Variants in RPIA observed in about 807,000 individuals in gnomAD.
The protein encoded by RPIA is ribose 5-phosphate isomerase A, also known as ribose-5-phosphate isomerase.
In RPIA, 29 loss-of-function variants were observed where a neutral mutation model predicts 37.8. That is an observed-to-expected ratio of 0.77 (90% CI 0.57 to 1.05). The LOEUF (loss-of-function observed/expected upper bound fraction) is 1.05. Among genes scored for constraint, RPIA ranks in the 50% least tolerant of loss-of-function variants. The pLI is 0.00. For missense variants in RPIA, 385 were observed against 413.6 expected (o/e 0.93, Z 0.60); for synonymous variants, 167 against 157.0 (o/e 1.06, Z -0.48).
chr2:88,739,880 A>G (rs1673362298), intron 8 of RPIA, among the ~76,000 whole-genome samples: 2 of 152,216 alleles, frequency 1.3e-5, no homozygotes, highest in Admixed American at 6.5e-5. Context: ...AAGTGCCAGG[A>G]TCACAGGTGT....
At chr2:88,703,508 A>G (rs7593019) in intron 3 of RPIA, among the ~76,000 whole-genome samples, 9,395 of 152,218 alleles carry the variant, frequency 0.062, 517 homozygotes, top group African/African-American at 0.14. Context: ...GGCTTGCACC[A>G]TCTGAAGCTA....
In RPIA at chr2:88,725,211, A is replaced by G. The variant is rs141871551; in HGVS notation, c.403-4067A>G. Among the ~76,000 whole-genome samples the G allele has an allele frequency of 1.5e-3, 231 of 152,304 alleles. 2 individuals carry two copies. The highest frequency in any genetic ancestry group is 5.4e-3 in the African/African-American group (225 of 41,572). On this transcript the variant is annotated intron_variant, in intron 3 of 8. Coordinates refer to ENST00000283646, the MANE Select transcript of RPIA (RefSeq NM_144563.3). ...AGCTTCTGGTGTCTAGCAGATGCAG[A>G]TCTCAGTGGAGCACCAGAGGCTGCA...
intron 8 of RPIA, among the ~76,000 whole-genome samples, chr2:88,743,776 TC>T (rs1413130172): frequency 1.3e-5 from 2 of 152,182 alleles, no homozygotes; most frequent in African/African-American, 4.8e-5. Flanking sequence ...CTTGTATATT[TC>T]CAGATTTTCT....
intron 3 of RPIA, among the ~76,000 whole-genome samples, chr2:88,721,757 C>T (rs974498226): frequency 6.7e-6 from 1 of 149,282 alleles, no homozygotes; most frequent in African/African-American, 2.4e-5. Flanking sequence ...TGTATTGAAA[C>T]ATATATTAAT....
intron 2 of RPIA, 92 bp from the exon 3 acceptor site, chr2:88,699,917 T>C: frequency 7.4e-7 from 1 of 1,358,270 alleles, no homozygotes; most frequent in African/African-American, 1.4e-5. Flanking sequence ...AAATAGACCT[T>C]CCCTTGTCTG....
intron 2 of RPIA, 35 bp from the exon 3 acceptor site, chr2:88,699,974 G>A: frequency 6.2e-7 from 1 of 1,610,914 alleles, no homozygotes; most frequent in South Asian, 1.1e-5. Context: ...AGTAAGGAGA[G>A]TGAAAAACTG....
intron 2 of RPIA, 21 bp downstream of exon 2, chr2:88,698,565 C>T: frequency 6.2e-7 from 1 of 1,608,482 alleles, no homozygotes; most frequent in Non-Finnish European, 8.5e-7. Context: ...TCACTGTCTA[C>T]TGGATGTTTT....
At chr2:88,728,949 A>G (rs945962275) in intron 3 of RPIA, among the ~76,000 whole-genome samples, 5 of 152,148 alleles carry the variant, frequency 3.3e-5, no homozygotes, top group Non-Finnish European at 7.4e-5. Context: ...ATTTGGTTCT[A>G]TGTTAGGAAT....
chr2:88,736,706 C>T (rs762230232), intron 7 of RPIA, 30 bp downstream of exon 7: 16 of 1,597,896 alleles, frequency 1.0e-5, no homozygotes, highest in Non-Finnish European at 8.6e-7. Context: ...CGGGGGTGTG[C>T]TGGGTGCACT....
At chr2:88,693,945 C>T (rs1310996903) in intron 1 of RPIA, among the ~76,000 whole-genome samples, 1 of 152,246 alleles carries the variant, frequency 6.6e-6, no homozygotes, top group East Asian at 1.9e-4. Context: ...TGTCTGTAGC[C>T]TCATCCCTTT....
At chr2:88,737,020 CTGCT>C (rs1673323394) in intron 7 of RPIA, among the ~76,000 whole-genome samples, 2 of 152,128 alleles carry the variant, frequency 1.3e-5, no homozygotes, top group Admixed American at 1.3e-4. Flanking sequence ...GCTTTGGGAA[CTGCT>C]TGGAACAGAA....
At chr2:88,708,754 AT>A (rs59981047) in intron 3 of RPIA, among the ~76,000 whole-genome samples, 41,314 of 128,000 alleles carry the variant, frequency 0.32, 5,080 homozygotes, top group African/African-American at 0.38. Context: ...TGCCAAATGG[AT>A]TTTTTTTTTT....
intron 4 of RPIA, among the ~76,000 whole-genome samples, chr2:88,733,123 G>T (rs189996999): frequency 6.6e-6 from 1 of 152,268 alleles, no homozygotes; most frequent in Admixed American, 6.5e-5. Flanking sequence ...TTTGAATTGG[G>T]CTATAAAGGC....
chr2:88,728,469 T>C (rs1412745270), intron 3 of RPIA, among the ~76,000 whole-genome samples: 3 of 152,244 alleles, frequency 2.0e-5, no homozygotes, highest in African/African-American at 4.8e-5. Context: ...GCAGAAAACG[T>C]TGTGAAGGCT....
At chr2:88,733,617 G>A (rs1004053462) in intron 4 of RPIA, among the ~76,000 whole-genome samples, 1 of 152,166 alleles carries the variant, frequency 6.6e-6, no homozygotes, top group Non-Finnish European at 1.5e-5. Context: ...AGTGCCTGCT[G>A]TAACTTCAGA....
At chr2:88,708,700 A>G (rs1327096634) in intron 3 of RPIA, among the ~76,000 whole-genome samples, 1 of 152,120 alleles carries the variant, frequency 6.6e-6, no homozygotes. Context: ...AAGCAAAACC[A>G]ATGGAAGAGC....
At chr2:88,741,738 T>A (rs979169983) in intron 8 of RPIA, among the ~76,000 whole-genome samples, 1 of 152,182 alleles carries the variant, frequency 6.6e-6, no homozygotes, top group Non-Finnish European at 1.5e-5. Context: ...CATGCCAACA[T>A]CTATTATTTT....
intron 8 of RPIA, among the ~76,000 whole-genome samples, chr2:88,746,499 T>C (rs920150778): frequency 5.3e-5 from 8 of 152,228 alleles, no homozygotes; most frequent in African/African-American, 1.9e-4. Flanking sequence ...ATGAGGATTC[T>C]TGAGAGCTGG....
At chr2:88,741,833 A>G (rs1290965182) in intron 8 of RPIA, among the ~76,000 whole-genome samples, 1 of 151,848 alleles carries the variant, frequency 6.6e-6, no homozygotes, top group Non-Finnish European at 1.5e-5. Context: ...GCATTTTTTC[A>G]TATGTTTGTT....
Sources: allele counts gnomAD v4.1 joint callset (sites outside exome capture counted in the v4.1 genomes callset), GRCh38; gene constraint gnomAD v4.1.1; transcripts MANE v1.5; gene names NCBI Gene and HGNC (gene_info 2026-07-23, HGNC 2026-07-21).